NECAB2: variants seen among roughly 807,000 people sequenced by gnomAD.
The protein encoded by NECAB2 is N-terminal EF-hand calcium-binding protein 2.
Under a neutral mutation model 51.9 loss-of-function variants are expected in NECAB2, and 68 were observed. The observed-to-expected ratio is 1.31, with a 90% confidence interval of 1.08 to 1.60. NECAB2 has a LOEUF of 1.60. NECAB2 is among the 40% of genes most tolerant of loss of function. The probability of loss-of-function intolerance (pLI) is 0.00; values close to 1 mark genes in which losing one functional copy is unlikely to be tolerated. For missense variants in NECAB2, 854 were observed against 490.3 expected (o/e 1.74, Z -7.00); for synonymous variants, 329 against 203.5 (o/e 1.62, Z -5.25).
intron 5 of NECAB2, among the ~76,000 whole-genome samples, chr16:83,987,285 ATGTATC>A (rs1191155779): frequency 6.6e-6 from 1 of 152,140 alleles, no homozygotes; most frequent in African/African-American, 2.4e-5. Flanking sequence ...TTATTATCTA[ATGTATC>A]TGTTCTGTGA....
intron 5 of NECAB2, 60 bp downstream of exon 5, chr16:83,981,187 T>A: frequency 6.8e-7 from 1 of 1,474,696 alleles, no homozygotes. Context: ...AGTTCCACCC[T>A]TGCCTAAGGA....
chr16:83,995,035 C>T (rs2084677747), intron 8 of NECAB2, among the ~76,000 whole-genome samples: 1 of 152,084 alleles, frequency 6.6e-6, no homozygotes, highest in Admixed American at 6.6e-5. Flanking sequence ...GTGGCTGGAG[C>T]AGATATTGGC....
chr16:83,968,609 G>A lies in NECAB2; in HGVS notation c.-40G>A, dbSNP rs1187877191. 22 of 978,998 alleles carry A rather than the reference G, an allele frequency of 2.2e-5. No homozygotes were observed. Among genetic ancestry groups the A allele is most frequent in the Non-Finnish European group, 2.7e-5 (22 of 827,000 alleles). The allele number at this position is 978,998 out of a possible 1,614,324, so 60.6% of individuals were successfully genotyped here. Reference sequence around the variant, plus strand: ...CGGGGGCGGGCCGCAGCTGGGCGGGGGTCGGCGGGCTTCCGGGCGGCGGCG... The same window carrying A: ...CGGGGGCGGGCCGCAGCTGGGCGGGAGTCGGCGGGCTTCCGGGCGGCGGCG... On this transcript the variant is annotated 5_prime_UTR_variant, in exon 1 of 13. Transcript: ENST00000305202.
chr16:83,980,659 G>T (rs2084474960), intron 3 of NECAB2, among the ~76,000 whole-genome samples, 180 bp from the exon 4 acceptor site: 1 of 152,080 alleles, frequency 6.6e-6, no homozygotes, highest in Non-Finnish European at 1.5e-5. Flanking sequence ...GACAGACGTG[G>T]GCCTTCAGGG....
chr16:83,965,371 C>G (rs759198164), upstream of NECAB2: 2 of 1,573,520 alleles, frequency 1.3e-6, no homozygotes, highest in Non-Finnish European at 1.7e-6. Context: ...CCTTCATCCA[C>G]CATGAGCTGT....
intron 2 of NECAB2, among the ~76,000 whole-genome samples, chr16:83,972,894 C>T (rs2084364418): frequency 6.6e-6 from 1 of 152,194 alleles, no homozygotes; most frequent in Non-Finnish European, 1.5e-5. Flanking sequence ...TGACAAAAAG[C>T]ACCTTCTTAA....
At chr16:83,985,183 G>GTT in intron 5 of NECAB2, among the ~76,000 whole-genome samples, 1 of 151,506 alleles carries the variant, frequency 6.6e-6, no homozygotes, top group African/African-American at 2.4e-5. Flanking sequence ...CGTGGTGGCA[G>GTT]GCGCCTGTAA....
chr16:83,993,232 G>A lies in NECAB2; in HGVS notation c.597-1070G>A, dbSNP rs548183820. ...GCTACTGGCTCAGACCCCACCACCC[G>A]GGAGCCCTGAGCAACCCGTCATGGT... On this transcript the variant is annotated intron_variant, in intron 6 of 12. Coordinates refer to ENST00000305202, the MANE Select transcript of NECAB2 (RefSeq NM_019065.3). 1.5e-3 allele frequency among the ~76,000 whole-genome samples: 233 copies of A among 152,268 alleles called. 1 individual carries two copies. Among genetic ancestry groups the A allele is most frequent in the Non-Finnish European group, 3.0e-3 (203 of 68,008 alleles).
rs1253338158 is a variant in NECAB2 at position 83,972,173 on chromosome 16, A to T, written c.224A>T (p.Asn75Ile). The change falls in exon 2 of 13, where the codon AAT becomes ATT. Residue 75 changes from asparagine to isoleucine, a missense_variant and splice_region_variant. Physicochemically the swap from Asn to Ile is moderately radical, Grantham distance 149. Coordinates refer to ENST00000305202, the MANE Select transcript of NECAB2 (RefSeq NM_019065.3). The stretch of plus-strand genomic sequence containing the variant: ...CAGATTTTCCGCCGTGCGGACAAAA[A>T]TGGTGAGTTTCCCTTCCAGGCCGAC... ...ILDIFRRADKNDDGKLSLEEF... is the reference protein window; with the variant it reads ...ILDIFRRADKIDDGKLSLEEF... 1 of 1,613,562 alleles carries T rather than the reference A, an allele frequency of 6.2e-7. No homozygotes were observed. Among genetic ancestry groups the T allele is most frequent in the African/African-American group, 1.3e-5 (1 of 75,068 alleles).
intron 10 of NECAB2, among the ~76,000 whole-genome samples, chr16:83,999,916 T>G (rs552923765): frequency 1.3e-5 from 2 of 151,358 alleles, no homozygotes; most frequent in South Asian, 2.1e-4. Flanking sequence ...AATCTTGCTT[T>G]ATTGTCCAGG....
Position 83,996,831 on chromosome 16 carries a change from G to T in NECAB2, c.796-385G>T, listed in dbSNP as rs76904588. On this transcript the variant is annotated intron_variant, in intron 8 of 12. Coordinates refer to ENST00000305202, the MANE Select transcript of NECAB2 (RefSeq NM_019065.3). ...AGATTGTGTATTTGTAAACCATCTA[G>T]CTTAGAGTCTGGGGAAGACCAGAGA... 3.8e-3 allele frequency among the ~76,000 whole-genome samples: 583 copies of T among 152,270 alleles called. 4 individuals are homozygous for T. Among genetic ancestry groups the T allele is most frequent in the African/African-American group, 0.014 (565 of 41,548 alleles).
Position 84,000,874 on chromosome 16 carries a change from C to G in NECAB2, c.1040+73C>G, listed in dbSNP as rs192374888. On this transcript the variant is annotated intron_variant, in intron 11 of 12. Coordinates refer to ENST00000305202, the MANE Select transcript of NECAB2 (RefSeq NM_019065.3). ...GGGGGGCTGTCTTCCTGGAGCCAGG[C>G]ATCCTTGGAGGGGAGGGTAAGGCCG... 5.8e-5 allele frequency: 87 copies of G among 1,487,472 alleles called. 1 individual carries two copies. In the African/African-American group the frequency reaches 1.1e-3, roughly 18 times the overall value. 92.1% of individuals were successfully genotyped at this position (1,487,472 alleles called of 1,614,324 possible).
intron 2 of NECAB2, among the ~76,000 whole-genome samples, chr16:83,974,738 G>C (rs2084386085): frequency 6.6e-6 from 1 of 152,146 alleles, no homozygotes; most frequent in African/African-American, 2.4e-5. Flanking sequence ...TGTAGGAGTG[G>C]GGATGGGACT....
intron 5 of NECAB2, among the ~76,000 whole-genome samples, chr16:83,989,701 G>C (rs2151094400): frequency 6.6e-6 from 1 of 152,262 alleles, no homozygotes; most frequent in South Asian, 2.1e-4. Context: ...CTGCTGTAAA[G>C]TCTTTGCAGC....
chr16:83,977,225 C>T (rs769958099), intron 2 of NECAB2, among the ~76,000 whole-genome samples: 2 of 152,150 alleles, frequency 1.3e-5, no homozygotes, highest in Non-Finnish European at 2.9e-5. Flanking sequence ...GGGCCAGGAA[C>T]TGTCATGGGC....
At chr16:83,998,449 TAAG>T (rs2084753313) in intron 10 of NECAB2, 132 bp downstream of exon 10, 1 of 827,748 alleles carries the variant, frequency 1.2e-6, no homozygotes. Flanking sequence ...GCTGGATGCG[TAAG>T]AAGTGGGTTC....
chr16:83,982,191 A>G (rs867955996), intron 5 of NECAB2, among the ~76,000 whole-genome samples: 73 of 152,028 alleles, frequency 4.8e-4, no homozygotes, highest in African/African-American at 1.7e-3. Flanking sequence ...ATTCTGTGCA[A>G]TTTTCCCATG....
At chr16:83,982,349 A>G (rs1039407228) in intron 5 of NECAB2, among the ~76,000 whole-genome samples, 1 of 152,220 alleles carries the variant, frequency 6.6e-6, no homozygotes, top group African/African-American at 2.4e-5. Flanking sequence ...GTTTTAGAGT[A>G]TATTTTAATA....
rs770492093 is a variant in NECAB2 at position 83,997,284 on chromosome 16, C to G, written c.849+15C>G. 19 of 1,613,930 alleles carry G rather than the reference C, an allele frequency of 1.2e-5. No individual in the cohort carries two copies. The highest frequency in any genetic ancestry group is 1.5e-5 in the Non-Finnish European group (18 of 1,179,994). ...GCACCAACATGGTGAGGCCCCTTCCCACCTCTCTTCTGGGACCACATCCCT... is the reference window on the plus strand; with the variant it reads ...GCACCAACATGGTGAGGCCCCTTCCGACCTCTCTTCTGGGACCACATCCCT... On this transcript the variant is annotated intron_variant, in intron 9 of 12. Coordinates refer to ENST00000305202, the MANE Select transcript of NECAB2 (RefSeq NM_019065.3).
Sources: allele counts gnomAD v4.1 joint callset (sites outside exome capture counted in the v4.1 genomes callset), GRCh38; gene constraint gnomAD v4.1.1; transcripts MANE v1.5; gene names NCBI Gene and HGNC (gene_info 2026-07-23, HGNC 2026-07-21).